The following CCDC57 variants were observed in gnomAD, a reference collection of about 807,000 sequenced individuals.
CCDC57 encodes the protein coiled-coil domain-containing protein 57.
Under a neutral mutation model 118.9 loss-of-function variants are expected in CCDC57, and 118 were observed. The ratio of observed to expected loss-of-function variants is 0.99; its 90% CI spans 0.86 to 1.16. The LOEUF is 1.16. Among genes scored for constraint, CCDC57 ranks in the 50% most tolerant of loss-of-function variants. The pLI is 0.00. For missense variants in CCDC57, 1,300 were observed against 1,320.7 expected, an observed-to-expected ratio of 0.98 and a Z score of 0.24; for synonymous variants, 527 against 532.9, an observed-to-expected ratio of 0.99 and a Z score of 0.15.
intron 5 of CCDC57, among the ~76,000 whole-genome samples, chr17:82,194,635 G>T (rs2048085481): frequency 6.6e-6 from 1 of 152,090 alleles, no homozygotes; most frequent in Non-Finnish European, 1.5e-5. Context: ...ACAGCACTCA[G>T]TACCCCACCA....
intron 15 of CCDC57, among the ~76,000 whole-genome samples, chr17:82,152,621 T>G (rs979015282): frequency 6.6e-6 from 1 of 152,212 alleles, no homozygotes; most frequent in Non-Finnish European, 1.5e-5. Context: ...AAAGCAGTAG[T>G]GTCCAGGCCC....
chr17:82,123,982 CAAAAAAAA>C (rs200031813), intron 19 of CCDC57, among the ~76,000 whole-genome samples: 3 of 64,306 alleles, frequency 4.7e-5, no homozygotes, highest in African/African-American at 1.2e-4. Flanking sequence ...CATCCAAAAG[CAAAAAAAA>C]AAAAAAAAAA....
At chr17:82,109,422 A>G (rs8080366) in intron 19 of CCDC57, among the ~76,000 whole-genome samples, 80,960 of 152,176 alleles carry the variant, frequency 0.53, 22,333 homozygotes, top group African/African-American at 0.58. Context: ...GATTTCTCCC[A>G]TGTAAAACAA....
At chr17:82,143,124 C>A (rs1194743031) in intron 16 of CCDC57, among the ~76,000 whole-genome samples, 4 of 148,496 alleles carry the variant, frequency 2.7e-5, no homozygotes, top group Non-Finnish European at 4.4e-5. Flanking sequence ...TTGCACTCTA[C>A]AATGGCAACA....
At chr17:82,158,039 C>T (rs536967099) in intron 14 of CCDC57, 91 bp from the exon 14 acceptor site, 9 of 1,465,448 alleles carry the variant, frequency 6.1e-6, no homozygotes, top group Admixed American at 4.8e-5. Flanking sequence ...CTGTGAGTGC[C>T]GGGAAAGAAC....
At chr17:82,175,875 C>T (rs538021169) in intron 11 of CCDC57, among the ~76,000 whole-genome samples, 3 of 152,202 alleles carry the variant, frequency 2.0e-5, no homozygotes, top group Admixed American at 6.5e-5. Context: ...AAACTCCTAT[C>T]GGTACTTGGT....
At chr17:82,157,642 C>T in intron 15 of CCDC57, 106 bp downstream of exon 14, 4 of 1,471,346 alleles carry the variant, frequency 2.7e-6, no homozygotes, top group Non-Finnish European at 3.6e-6. Context: ...CTCGTCCCAC[C>T]TGAGCTCCCA....
chr17:82,135,825 C>T (rs9902485), intron 16 of CCDC57, among the ~76,000 whole-genome samples: 71,083 of 112,036 alleles, frequency 0.63, 17,439 homozygotes, highest in East Asian at 0.89. Flanking sequence ...ACTGGGAGGC[C>T]GGGTGGGGGG....
chr17:82,190,742 T>C (rs1024549946), intron 7 of CCDC57, among the ~76,000 whole-genome samples: 8 of 149,184 alleles, frequency 5.4e-5, no homozygotes, highest in Non-Finnish European at 1.0e-4. Context: ...GGACAATGCC[T>C]CTTGCCACCC....
At chr17:82,178,563 G>T in exon 11 of CCDC57, 1 of 1,613,412 alleles carries the variant, frequency 6.2e-7, no homozygotes. Flanking sequence ...ACCACCTCCT[G>T]CTCCTGTAGC....
intron 2 of CCDC57, among the ~76,000 whole-genome samples, chr17:82,204,013 G>C (rs1398078519): frequency 1.3e-5 from 2 of 152,184 alleles, no homozygotes; most frequent in Non-Finnish European, 2.9e-5. Context: ...TGGGTAAGGG[G>C]CTGCAAGACC....
At chr17:82,196,706 C>G (rs532423857) in intron 4 of CCDC57, among the ~76,000 whole-genome samples, 43 of 151,720 alleles carry the variant, frequency 2.8e-4, no homozygotes, top group Non-Finnish European at 5.7e-4. Context: ...TTACACCTAC[C>G]TGCATAGACA....
chr17:82,178,149 C>A (rs919186009), intron 11 of CCDC57, among the ~76,000 whole-genome samples: 1 of 152,280 alleles, frequency 6.6e-6, no homozygotes, highest in Non-Finnish European at 1.5e-5. Flanking sequence ...AAATCAGGAG[C>A]GGTGATGACA....
chr17:82,191,919 C>T (rs946659114), intron 7 of CCDC57, among the ~76,000 whole-genome samples: 6 of 151,918 alleles, frequency 3.9e-5, no homozygotes, highest in Non-Finnish European at 7.4e-5. Context: ...CCACCTGCCT[C>T]GGCCTCCCAA....
At chr17:82,103,669 C>G (rs6502052) in intron 19 of CCDC57, among the ~76,000 whole-genome samples, 123,634 of 152,102 alleles carry the variant, frequency 0.81, 51,137 homozygotes, top group African/African-American at 0.96. Flanking sequence ...TGATCCTCCT[C>G]AGACAAAGCC....
At chr17:82,103,776 G>A (rs1333367574) in intron 19 of CCDC57, among the ~76,000 whole-genome samples, 1 of 152,172 alleles carries the variant, frequency 6.6e-6, no homozygotes, top group African/African-American at 2.4e-5. Context: ...GAGGACCCTG[G>A]CTGTATCCCG....
intron 1 of CCDC57, among the ~76,000 whole-genome samples, chr17:82,211,939 T>A (rs533541217): frequency 1.3e-5 from 2 of 152,326 alleles, no homozygotes; most frequent in East Asian, 3.9e-4. Flanking sequence ...TTTATTTTCC[T>A]GTAACTGTTT....
At chr17:82,157,511 C>A (rs955725317) in intron 15 of CCDC57, 4 of 1,423,422 alleles carry the variant, frequency 2.8e-6, no homozygotes, top group Admixed American at 3.0e-5. Flanking sequence ...TCCCGCCCCC[C>A]ACCAACGGGG....
intron 8 of CCDC57, among the ~76,000 whole-genome samples, chr17:82,186,226 T>C (rs1393827797): frequency 6.6e-6 from 1 of 152,210 alleles, no homozygotes; most frequent in African/African-American, 2.4e-5. Flanking sequence ...TAGAAGTCTG[T>C]TTCTTACTAC....
Sources: allele counts gnomAD v4.1 joint callset (sites outside exome capture counted in the v4.1 genomes callset), GRCh38; gene constraint gnomAD v4.1.1; transcripts MANE v1.5; gene names NCBI Gene and HGNC (gene_info 2026-07-23, HGNC 2026-07-21).